Variants in TNIK observed in about 807,000 individuals in gnomAD.
TNIK encodes TRAF2 and NCK-interacting protein kinase.
In TNIK, 49 loss-of-function variants were observed where a neutral mutation model predicts 191.3. That is an observed-to-expected ratio of 0.26 (90% CI 0.20 to 0.32). The LOEUF is 0.32. Among genes scored for constraint, TNIK ranks in the 10% least tolerant of loss-of-function variants. TNIK has a pLI of 1.00. For synonymous variants in TNIK, 594 were observed against 600.9 expected, an observed-to-expected ratio of 0.99 and a Z score of 0.17; for missense variants, 1,155 against 1,702.3, an observed-to-expected ratio of 0.68 and a Z score of 5.66.
intron 2 of TNIK, among the ~76,000 whole-genome samples, chr3:171,351,261 A>ATGTGTG (rs1713131198): frequency 1.8e-5 from 1 of 56,588 alleles, no homozygotes; most frequent in South Asian, 8.3e-4. Flanking sequence ...ATATATATAT[A>ATGTGTG]TATGTATATA....
At chr3:171,193,752 A>G (rs1560242519) in intron 5 of TNIK, among the ~76,000 whole-genome samples, 1 of 152,242 alleles carries the variant, frequency 6.6e-6, no homozygotes, top group Non-Finnish European at 1.5e-5. Flanking sequence ...TTATAAATAA[A>G]TAACAATGGC....
intron 2 of TNIK, among the ~76,000 whole-genome samples, chr3:171,316,152 T>A (rs1262787407): frequency 6.6e-6 from 1 of 152,168 alleles, no homozygotes; most frequent in Non-Finnish European, 1.5e-5. Context: ...GCCAGAAGAC[T>A]GTAAGCTCCC....
chr3:171,126,601 T>C (rs1465899552), intron 16 of TNIK, among the ~76,000 whole-genome samples: 1 of 152,200 alleles, frequency 6.6e-6, no homozygotes, highest in Non-Finnish European at 1.5e-5. Context: ...CTGAGGTGGA[T>C]ACAGTCATTT....
chr3:171,191,809 T>A (rs1738099389), intron 5 of TNIK, among the ~76,000 whole-genome samples: 1 of 152,246 alleles, frequency 6.6e-6, no homozygotes, highest in Non-Finnish European at 1.5e-5. Context: ...GTGGTGTGAA[T>A]TCTTTAACCT....
chr3:171,347,572 C>G (rs759065321), intron 2 of TNIK, among the ~76,000 whole-genome samples: 1 of 152,128 alleles, frequency 6.6e-6, no homozygotes, highest in Non-Finnish European at 1.5e-5. Flanking sequence ...ATTTTCTTTT[C>G]AAGAGAGCAA....
intron 1 of TNIK, among the ~76,000 whole-genome samples, chr3:171,438,677 A>T (rs1421537346): frequency 6.6e-6 from 1 of 152,218 alleles, no homozygotes; most frequent in African/African-American, 2.4e-5. Context: ...AAAAGTAAGG[A>T]TTAACATTAA....
chr3:171,316,039 A>C (rs1165852600), intron 2 of TNIK, among the ~76,000 whole-genome samples: 1 of 152,110 alleles, frequency 6.6e-6, no homozygotes, highest in Non-Finnish European at 1.5e-5. Flanking sequence ...CAAGGAGTTT[A>C]CAGCCTAGAG....
intron 23 of TNIK, among the ~76,000 whole-genome samples, chr3:171,091,213 C>T (rs1008119813): frequency 1.3e-5 from 2 of 152,130 alleles, no homozygotes; most frequent in African/African-American, 4.8e-5. Context: ...TTGCCCTTTC[C>T]AAGTGGGATG....
At chr3:171,083,525 A>C (rs1720945800) in intron 26 of TNIK, among the ~76,000 whole-genome samples, 1 of 152,230 alleles carries the variant, frequency 6.6e-6, no homozygotes, top group Non-Finnish European at 1.5e-5. Context: ...GAATCTCATC[A>C]TGCCTCTCCT....
chr3:171,440,506 GAGGAAA>G (rs1007491537), intron 1 of TNIK, among the ~76,000 whole-genome samples: 6 of 152,198 alleles, frequency 3.9e-5, no homozygotes, highest in African/African-American at 1.2e-4. Context: ...GGTAACAGTG[GAGGAAA>G]TAAAGTGTAT....
At chr3:171,370,916 A>G (rs747873454) in intron 1 of TNIK, among the ~76,000 whole-genome samples, 1 of 152,180 alleles carries the variant, frequency 6.6e-6, no homozygotes, top group Non-Finnish European at 1.5e-5. Flanking sequence ...CTGGACACTT[A>G]CATAAGAGCA....
chr3:171,142,879 T>C (rs1197269743), intron 12 of TNIK, among the ~76,000 whole-genome samples: 3 of 152,218 alleles, frequency 2.0e-5, no homozygotes, highest in Non-Finnish European at 4.4e-5. Flanking sequence ...CATCCGTCTC[T>C]TTCTTAAGGA....
intron 2 of TNIK, among the ~76,000 whole-genome samples, chr3:171,261,973 G>A (rs1345349883): frequency 6.6e-6 from 1 of 152,114 alleles, no homozygotes; most frequent in African/African-American, 2.4e-5. Flanking sequence ...TGAACAACTA[G>A]GATCAAATAT....
intron 21 of TNIK, among the ~76,000 whole-genome samples, chr3:171,106,005 C>T (rs557006603): frequency 5.9e-5 from 9 of 152,272 alleles, no homozygotes; most frequent in Admixed American, 3.3e-4. Context: ...ATCCACACAC[C>T]GCAAACATGC....
intron 1 of TNIK, among the ~76,000 whole-genome samples, chr3:171,416,072 C>T (rs938147880): frequency 2.6e-5 from 4 of 151,600 alleles, no homozygotes; most frequent in African/African-American, 9.7e-5. Context: ...CCCCTTCTAC[C>T]CCCCAGGCAA....
intron 2 of TNIK, among the ~76,000 whole-genome samples, chr3:171,229,250 T>C (rs1427810815): frequency 3.3e-5 from 5 of 152,256 alleles, no homozygotes; most frequent in Non-Finnish European, 7.3e-5. Flanking sequence ...TAATTATGTA[T>C]GGTCCTGTCT....
intron 5 of TNIK, among the ~76,000 whole-genome samples, chr3:171,194,088 T>A (rs977622880): frequency 6.6e-6 from 1 of 152,180 alleles, no homozygotes; most frequent in Non-Finnish European, 1.5e-5. Flanking sequence ...CTTTATATGG[T>A]GGGAAGGTAT....
At chr3:171,195,292 T>C (rs1008998333) in intron 4 of TNIK, among the ~76,000 whole-genome samples, 1 of 152,258 alleles carries the variant, frequency 6.6e-6, no homozygotes, top group Admixed American at 6.5e-5. Context: ...TCAATGGGGA[T>C]GTAGAGACCA....
intron 2 of TNIK, among the ~76,000 whole-genome samples, chr3:171,235,155 C>T (rs941990467): frequency 5.9e-5 from 9 of 152,168 alleles, no homozygotes; most frequent in Non-Finnish European, 1.3e-4. Flanking sequence ...GATTCTCCTG[C>T]CTCAGCCTCC....
Sources: allele counts gnomAD v4.1 joint callset (sites outside exome capture counted in the v4.1 genomes callset), GRCh38; gene constraint gnomAD v4.1.1; transcripts MANE v1.5; gene names NCBI Gene and HGNC (gene_info 2026-07-23, HGNC 2026-07-21).